Variants in PPFIA2 observed in about 807,000 individuals in gnomAD.
The protein encoded by PPFIA2 is PPFI scaffold protein A2.
A neutral mutation model predicts 175.5 loss-of-function variants in PPFIA2; 46 were observed. The ratio of observed to expected loss-of-function variants is 0.26; its 90% CI spans 0.21 to 0.34. The LOEUF (loss-of-function observed/expected upper bound fraction) is 0.34. PPFIA2 is among the 10% of genes least tolerant of loss of function. The probability of loss-of-function intolerance (pLI) is 1.00; values close to 1 mark genes in which losing one functional copy is unlikely to be tolerated. For synonymous variants in PPFIA2, 568 were observed against 511.4 expected (o/e 1.11, Z -1.49); for missense variants, 1,179 against 1,506.1 (o/e 0.78, Z 3.60).
chr12:81,579,769 C>G (rs1000107389), intron 4 of PPFIA2, among the ~76,000 whole-genome samples: 1 of 151,762 alleles, frequency 6.6e-6, no homozygotes, highest in African/African-American at 2.4e-5. Context: ...TAGACGGTAC[C>G]GTTTGTAGTG....
chr12:81,594,093 G>A (rs1351610449), intron 4 of PPFIA2, among the ~76,000 whole-genome samples: 1 of 152,016 alleles, frequency 6.6e-6, no homozygotes, highest in East Asian at 1.9e-4. Flanking sequence ...GATCTATGTT[G>A]CACCTGCCTT....
chr12:81,601,326 T>C (rs923879150), intron 4 of PPFIA2, among the ~76,000 whole-genome samples: 7 of 152,046 alleles, frequency 4.6e-5, no homozygotes, highest in Admixed American at 3.3e-4. Flanking sequence ...TGGAAACAAC[T>C]CAATTTTCTC....
At chr12:81,657,063 G>A (rs1357793294) in intron 4 of PPFIA2, among the ~76,000 whole-genome samples, 4 of 152,070 alleles carry the variant, frequency 2.6e-5, no homozygotes, top group African/African-American at 9.7e-5. Context: ...TAAATTTCAC[G>A]TTTTGCTGAT....
chr12:81,606,582 ATTT>A (rs1409974806), intron 4 of PPFIA2, among the ~76,000 whole-genome samples: 1 of 151,948 alleles, frequency 6.6e-6, no homozygotes, highest in African/African-American at 2.4e-5. Context: ...GATGTTCAGT[ATTT>A]TTTATGTTTG....
chr12:81,717,454 CCT>C (rs1242635072), intron 3 of PPFIA2, among the ~76,000 whole-genome samples: 1 of 151,560 alleles, frequency 6.6e-6, no homozygotes, highest in African/African-American at 2.4e-5. Flanking sequence ...TATTAATGAG[CCT>C]CTTTTTAATT....
At chr12:81,600,536 C>T (rs1028644850) in intron 4 of PPFIA2, among the ~76,000 whole-genome samples, 3 of 151,656 alleles carry the variant, frequency 2.0e-5, no homozygotes, top group African/African-American at 7.3e-5. Context: ...TTTTATTTTC[C>T]AGTAATTTTT....
chr12:81,385,266 A>T (rs1272753785), intron 8 of PPFIA2, among the ~76,000 whole-genome samples: 4 of 152,186 alleles, frequency 2.6e-5, no homozygotes, highest in African/African-American at 9.7e-5. Context: ...GTAAAAATGT[A>T]AATTAGTATA....
rs71669706 is a variant in PPFIA2 at position 81,618,253 on chromosome 12, C to CTGTGTGTG, written c.303+58530_303+58537dup. Among the ~76,000 whole-genome samples the CTGTGTGTG allele has an allele frequency of 4.0e-5, 6 of 148,702 alleles. No individual in the cohort carries two copies. The East Asian group carries it at 6.0e-4, about 15-fold the overall frequency. On this transcript the variant is annotated intron_variant, in intron 4 of 32. Transcript: ENST00000549396. ...CATTGCATTTTTACTATGTGTAAAT[C>CTGTGTGTG]TGTGTGTGTGTGTGTGTGTGTGTGT...
intron 4 of PPFIA2, among the ~76,000 whole-genome samples, chr12:81,480,152 T>C (rs2058034139): frequency 6.6e-6 from 1 of 152,144 alleles, no homozygotes; most frequent in African/African-American, 2.4e-5. Context: ...CTTTATTTCA[T>C]TAAGTTAATC....
chr12:81,705,456 CAAAAAAAAAA>C (rs58602688), intron 3 of PPFIA2, among the ~76,000 whole-genome samples: 15 of 55,736 alleles, frequency 2.7e-4, no homozygotes, highest in Non-Finnish European at 5.5e-4. Flanking sequence ...GACTAGGTCT[CAAAAAAAAAA>C]AAAAAAAAGA....
chr12:81,565,978 T>C (rs2071199595), intron 4 of PPFIA2, among the ~76,000 whole-genome samples: 1 of 152,168 alleles, frequency 6.6e-6, no homozygotes, highest in Non-Finnish European at 1.5e-5. Flanking sequence ...CATATGTATA[T>C]TTACAGGGAA....
intron 4 of PPFIA2, among the ~76,000 whole-genome samples, chr12:81,654,497 A>C (rs962529394): frequency 5.3e-5 from 8 of 152,124 alleles, no homozygotes; most frequent in African/African-American, 1.9e-4. Flanking sequence ...ATTGCTTCAT[A>C]AGTCTTCCTC....
chr12:81,357,540 A>T (rs537943245), intron 16 of PPFIA2, among the ~76,000 whole-genome samples: 1 of 152,336 alleles, frequency 6.6e-6, no homozygotes, highest in African/African-American at 2.4e-5. Flanking sequence ...ACTGCCCCTT[A>T]TCATTAATAG....
chr12:81,400,586 CTA>C (rs1287818063), intron 8 of PPFIA2, among the ~76,000 whole-genome samples: 1 of 152,120 alleles, frequency 6.6e-6, no homozygotes, highest in African/African-American at 2.4e-5. Context: ...AAACAAAAAT[CTA>C]TTTCTGATTT....
Position 81,267,184 on chromosome 12 carries a change from CA to C in PPFIA2, c.3487-165del, listed in dbSNP as rs35647579. The C allele has an allele frequency of 3.2e-5, 17 of 537,366 alleles. 1 individual carries two copies. Among genetic ancestry groups the C allele is most frequent in the Admixed American group, 2.6e-4 (8 of 31,286 alleles). The allele number at this position is 537,366 out of a possible 1,614,324, so 33.3% of individuals were successfully genotyped here. Reference sequence around the variant, plus strand: ...TATTAGCCATTGTAAATTTTAACTACAAAAAAAACAGGGCTTTTTTTTTTTT... The same window carrying C: ...TATTAGCCATTGTAAATTTTAACTACAAAAAAACAGGGCTTTTTTTTTTTT... On this transcript the variant is annotated intron_variant, in intron 29 of 32. Transcript: ENST00000549396.
At chr12:81,504,630 A>G (rs1227559879) in intron 4 of PPFIA2, among the ~76,000 whole-genome samples, 2 of 152,164 alleles carry the variant, frequency 1.3e-5, no homozygotes, top group Non-Finnish European at 2.9e-5. Context: ...TTGACCCAGC[A>G]ATCTCATTAC....
chr12:81,281,172 C>G, intron 27 of PPFIA2, 85 bp downstream of exon 27: 1 of 1,004,274 alleles, frequency 1.0e-6, no homozygotes, highest in Non-Finnish European at 1.4e-6. Context: ...GTCTTCTAGA[C>G]GTCCATTTTT....
chr12:81,451,357 G>A (rs2052536661), intron 5 of PPFIA2, among the ~76,000 whole-genome samples: 1 of 152,032 alleles, frequency 6.6e-6, no homozygotes, highest in African/African-American at 2.4e-5. Context: ...TGGCAGACCT[G>A]TGACTTAAGA....
At chr12:81,369,445 G>A (rs1033837027) in intron 11 of PPFIA2, 3 of 1,311,394 alleles carry the variant, frequency 2.3e-6, no homozygotes, top group African/African-American at 3.0e-5. Flanking sequence ...AATGTAACAT[G>A]CAGACTGTGC....
Sources: allele counts gnomAD v4.1 joint callset (sites outside exome capture counted in the v4.1 genomes callset), GRCh38; gene constraint gnomAD v4.1.1; transcripts MANE v1.5; gene names NCBI Gene and HGNC (gene_info 2026-07-23, HGNC 2026-07-21).